The following TJP2 variants were observed in gnomAD, a reference collection of about 807,000 sequenced individuals.
TJP2 encodes Friedreich ataxia region gene X104 (tight junction protein ZO-2).
Under a neutral mutation model 133.1 loss-of-function variants are expected in TJP2, and 91 were observed. That is an observed-to-expected ratio of 0.68 (90% CI 0.58 to 0.81). The LOEUF (loss-of-function observed/expected upper bound fraction) is 0.81. Among genes scored for constraint, TJP2 ranks in the 40% least tolerant of loss-of-function variants. The pLI is 0.00. For missense variants in TJP2, 1,541 were observed against 1,565.6 expected (o/e 0.98, Z 0.26); for synonymous variants, 592 against 583.4 (o/e 1.01, Z -0.21).
At chr9:69,235,290 T>C (rs966053282) in intron 12 of TJP2, among the ~76,000 whole-genome samples, 1 of 117,488 alleles carries the variant, frequency 8.5e-6, no homozygotes, top group African/African-American at 3.5e-5. Flanking sequence ...AGTTTCCTCC[T>C]AATTTTTTAT....
At chr9:69,246,846 T>G in intron 18 of TJP2, 56 bp downstream of exon 18, 3 of 1,460,780 alleles carry the variant, frequency 2.1e-6, no homozygotes, top group Non-Finnish European at 1.9e-6. Flanking sequence ...GAAACTTTTC[T>G]CAAGAGGGCA....
chr9:69,219,123 C>T (rs1240961131), intron 4 of TJP2, among the ~76,000 whole-genome samples: 2 of 152,098 alleles, frequency 1.3e-5, no homozygotes, highest in Non-Finnish European at 2.9e-5. Context: ...GCATGCACCA[C>T]CACACCTGTC....
At chr9:69,206,460 A>T (rs528029702) in intron 1 of TJP2, among the ~76,000 whole-genome samples, 10 of 152,126 alleles carry the variant, frequency 6.6e-5, no homozygotes, top group African/African-American at 1.4e-4. Flanking sequence ...GCATTGAAAA[A>T]TTTGCTGTTA....
intron 1 of TJP2, among the ~76,000 whole-genome samples, chr9:69,133,707 T>A (rs1313203893): frequency 6.6e-6 from 1 of 151,946 alleles, no homozygotes; most frequent in Non-Finnish European, 1.5e-5. Context: ...TGCACCATCA[T>A]GCCCAGCTAA....
At chr9:69,200,122 CTG>C (rs1285573089) in intron 1 of TJP2, among the ~76,000 whole-genome samples, 2 of 152,136 alleles carry the variant, frequency 1.3e-5, no homozygotes, top group African/African-American at 4.8e-5. Context: ...ACGTGAAATC[CTG>C]TGTGTGTTAT....
At chr9:69,246,258 A>G in intron 17 of TJP2, 1 of 247,106 alleles carries the variant, frequency 4.0e-6, no homozygotes, top group Non-Finnish European at 8.0e-6. Flanking sequence ...ACCAAGGGAC[A>G]ACTTTATGTT....
In TJP2 at chr9:69,221,263, G is replaced by C; in HGVS notation, c.719G>C (p.Ser240Thr). The change falls in exon 5 of 23, where the codon AGC (serine) becomes ACC (threonine). Residue 240 changes from serine (S) to threonine (T), a missense_variant. By Grantham distance (58) the Ser-to-Thr change is moderately conservative. Transcript: ENST00000377245. ...TCCCGGGACCGGGACCGTGACCGCA[G>C]CCGCGGCCGGAGCATTGACCAGGAC... ...GPSRDRDRDR[S>T]RGRSIDQDYE... The C allele has an allele frequency of 6.2e-7, 1 of 1,608,264 alleles. No individual in the cohort carries two copies. Among genetic ancestry groups the C allele is most frequent in the Non-Finnish European group, 8.5e-7 (1 of 1,177,758 alleles).
chr9:69,234,294 C>G (rs1213775659), intron 11 of TJP2, 145 bp from the exon 12 acceptor site: 1 of 675,644 alleles, frequency 1.5e-6, no homozygotes, highest in East Asian at 2.7e-5. Context: ...TCATTTGCAT[C>G]TTGGCTTTGC....
intron 1 of TJP2, among the ~76,000 whole-genome samples, chr9:69,131,646 AACCAACTGCCTGGTG>A (rs1822500522): frequency 6.6e-6 from 1 of 152,162 alleles, no homozygotes; most frequent in African/African-American, 2.4e-5. Context: ...AGTGCTTGTA[AACCAACTGCCTGGTG>A]ACTTGCTGTA....
chr9:69,164,892 C>T (rs965978649), intron 2 of TJP2, among the ~76,000 whole-genome samples: 4 of 151,998 alleles, frequency 2.6e-5, no homozygotes, highest in Admixed American at 6.6e-5. Flanking sequence ...TGTAGTGGTG[C>T]GATCTTGGCT....
Position 69,248,468 on chromosome 9 carries a change from G to A in TJP2, c.2880+244G>A, listed in dbSNP as rs1831090050. 4 of 1,348,774 alleles carry A rather than the reference G, an allele frequency of 3.0e-6. No individual in the cohort carries two copies. The African/African-American group carries it at 5.9e-5, about 20-fold the overall frequency. 83.6% of individuals were successfully genotyped at this position (1,348,774 alleles called of 1,614,324 possible). A position where few individuals can be genotyped will look rare whatever the true frequency, so the allele number is the denominator to read the frequency against. ...ACTCCGCACACCCATGCCCTCAGGT[G>A]CGATGGATAAACAGAATGGCTTTAG... On this transcript the variant is annotated intron_variant, in intron 19 of 22. Coordinates refer to ENST00000377245, the MANE Select transcript of TJP2 (RefSeq NM_004817.4).
At chr9:69,217,644 C>T (rs1828490576) in intron 3 of TJP2, among the ~76,000 whole-genome samples, 2 of 152,158 alleles carry the variant, frequency 1.3e-5, no homozygotes, top group South Asian at 4.1e-4. Flanking sequence ...ATCAGTCACA[C>T]TACTGCAGTC....
chr9:69,253,000 G>A (rs1831453260), intron 22 of TJP2, 100 bp downstream of exon 22: 2 of 1,095,070 alleles, frequency 1.8e-6, no homozygotes, highest in African/African-American at 1.6e-5. Context: ...AGTAACAGGA[G>A]GATTTTTTCC....
chr9:69,175,206 T>A (rs528510642), intron 1 of TJP2, among the ~76,000 whole-genome samples: 3 of 152,340 alleles, frequency 2.0e-5, no homozygotes, highest in Non-Finnish European at 4.4e-5. Flanking sequence ...GTTCTTAGGC[T>A]AGGCTGCTTT....
chr9:69,251,113 G>A lies in TJP2; in HGVS notation c.3070G>A (p.Gly1024Ser), dbSNP rs781319264. The change falls in exon 21 of 23, where the codon GGT becomes AGT. Residue 1024 changes from glycine to serine, a missense_variant. Gly to Ser is a moderately conservative substitution (Grantham distance 56). Transcript: ENST00000377245. ...TAAGTCAAACCCCTCTGCCGTTGCT[G>A]GTAATGAAACTCCTGGGGCATCTAC... ...EYKSNPSAVA[G>S]NETPGASTKG... The A allele has an allele frequency of 6.2e-7, 1 of 1,614,048 alleles. No individual in the cohort carries two copies. The highest frequency in any genetic ancestry group is 1.3e-5 in the African/African-American group (1 of 74,912).
At chr9:69,183,999 G>A (rs1393544439) in intron 1 of TJP2, among the ~76,000 whole-genome samples, 1 of 152,182 alleles carries the variant, frequency 6.6e-6, no homozygotes, top group East Asian at 1.9e-4. Context: ...ATAAATGCGA[G>A]CCACCACGCC....
At chr9:69,180,118 T>C (rs10869975) in intron 1 of TJP2, among the ~76,000 whole-genome samples, 63,841 of 152,040 alleles carry the variant, frequency 0.42, 13,766 homozygotes, top group East Asian at 0.63. Context: ...TATATAACTA[T>C]GGTACTAAAC....
intron 2 of TJP2, among the ~76,000 whole-genome samples, chr9:69,162,343 AAC>A (rs1475765628): frequency 1.3e-5 from 2 of 152,026 alleles, no homozygotes; most frequent in Non-Finnish European, 2.9e-5. Flanking sequence ...ATCTATATTT[AAC>A]ACAGGAATAT....
chr9:69,194,263 G>A (rs556984099), intron 1 of TJP2, among the ~76,000 whole-genome samples: 3 of 152,188 alleles, frequency 2.0e-5, no homozygotes, highest in Non-Finnish European at 2.9e-5. Flanking sequence ...TTGAAAATAA[G>A]TACTATTTTT....
Sources: allele counts gnomAD v4.1 joint callset (sites outside exome capture counted in the v4.1 genomes callset), GRCh38; gene constraint gnomAD v4.1.1; transcripts MANE v1.5; gene names NCBI Gene and HGNC (gene_info 2026-07-23, HGNC 2026-07-21).